The following CFDP1 variants were observed in gnomAD, a reference collection of about 807,000 sequenced individuals.
The protein encoded by CFDP1 is chromatin remodeling protein CFDP1, also known as heterochromatin-stabilizing protein CFDP1.
CFDP1 carries 31 observed loss-of-function variants against 40.1 expected under a neutral mutation model. The ratio of observed to expected loss-of-function variants is 0.77; its 90% CI spans 0.58 to 1.04. The LOEUF is 1.04. Among genes scored for constraint, CFDP1 ranks in the 50% least tolerant of loss-of-function variants. The probability of loss-of-function intolerance (pLI) is 0.00; values close to 1 mark genes in which losing one functional copy is unlikely to be tolerated. For synonymous variants in CFDP1, 167 were observed against 120.0 expected (o/e 1.39, Z -2.56); for missense variants, 423 against 343.4 (o/e 1.23, Z -1.83).
At chr16:75,389,806 C>T (rs969048901) in intron 5 of CFDP1, among the ~76,000 whole-genome samples, 7 of 152,148 alleles carry the variant, frequency 4.6e-5, no homozygotes, top group Non-Finnish European at 8.8e-5. Flanking sequence ...AATATTTGCA[C>T]GGATAAAATG....
At chr16:75,418,369 G>A (rs577189022) in intron 1 of CFDP1, among the ~76,000 whole-genome samples, 1 of 135,390 alleles carries the variant, frequency 7.4e-6, no homozygotes, top group Non-Finnish European at 1.5e-5. Context: ...GCAGTGGCAC[G>A]ATCTCGGCTC....
At chr16:75,378,647 G>A (rs2078823765) in intron 5 of CFDP1, among the ~76,000 whole-genome samples, 1 of 152,140 alleles carries the variant, frequency 6.6e-6, no homozygotes, top group South Asian at 2.1e-4. Flanking sequence ...CTGACGATGA[G>A]GGAGTATGGG....
chr16:75,417,939 G>C (rs2079227015), intron 1 of CFDP1, among the ~76,000 whole-genome samples: 1 of 152,002 alleles, frequency 6.6e-6, no homozygotes, highest in Non-Finnish European at 1.5e-5. Flanking sequence ...TTCAGAATAA[G>C]AGAAATGACA....
At chr16:75,409,186 AG>A (rs1304051235) in intron 4 of CFDP1, 9 of 152,196 alleles carry the variant, frequency 5.9e-5, no homozygotes, top group Non-Finnish European at 1.2e-4. Flanking sequence ...ACAGAATAAA[AG>A]GTAACAGTGA....
At chr16:75,335,526 T>C (rs2078480484) in intron 5 of CFDP1, among the ~76,000 whole-genome samples, 1 of 147,450 alleles carries the variant, frequency 6.8e-6, no homozygotes, top group Admixed American at 6.6e-5. Flanking sequence ...TTTCCTACTT[T>C]ATCTATAAGC....
intron 5 of CFDP1, among the ~76,000 whole-genome samples, chr16:75,338,097 C>T (rs2078502023): frequency 6.6e-6 from 1 of 152,162 alleles, no homozygotes; most frequent in Non-Finnish European, 1.5e-5. Context: ...TGTTCATTTC[C>T]TCTTACCCTT....
chr16:75,384,749 T>C (rs1456932409), intron 5 of CFDP1, among the ~76,000 whole-genome samples: 1 of 151,398 alleles, frequency 6.6e-6, no homozygotes, highest in Non-Finnish European at 1.5e-5. Flanking sequence ...CAAAATGGAA[T>C]ACCAGGCAGG....
chr16:75,301,536 C>CTTTTTTTTTTTT lies in CFDP1; in HGVS notation c.809+3476_809+3487dup, dbSNP rs546724752. Among the ~76,000 whole-genome samples the CTTTTTTTTTTTT allele has an allele frequency of 6.3e-4, 34 of 53,964 alleles. 4 individuals carry two copies. Among genetic ancestry groups the CTTTTTTTTTTTT allele is most frequent in the African/African-American group, 1.6e-3 (23 of 14,504 alleles). 35.4% of individuals were successfully genotyped at this position (53,964 alleles called of 152,430 possible). On this transcript the variant is annotated intron_variant, in intron 6 of 6. Coordinates refer to ENST00000283882, the MANE Select transcript of CFDP1 (RefSeq NM_006324.3). ...TCTCAACATTAGAGTTTTGTTGTGT[C>CTTTTTTTTTTTT]TTTTTTTTTTTTTTTTTTTTTTTTT...
At chr16:75,397,569 G>C (rs1031869718) in intron 4 of CFDP1, among the ~76,000 whole-genome samples, 12 of 150,580 alleles carry the variant, frequency 8.0e-5, no homozygotes, top group African/African-American at 2.9e-4. Context: ...TTGGGAGACT[G>C]AGGCGGGCAG....
rs189013307 is a variant in CFDP1, at chr16:75,316,905, C to T, written c.651-11723G>A. On this transcript the variant is annotated intron_variant, in intron 5 of 6. Transcript: ENST00000283882. ...CCTCAGCAGGAGAATCGCTTGAACCCGGGAGGCAGAGGTTGTGGTGAGGCG... is the reference window on the plus strand; with the variant it reads ...CCTCAGCAGGAGAATCGCTTGAACCTGGGAGGCAGAGGTTGTGGTGAGGCG... Among the ~76,000 whole-genome samples the T allele has an allele frequency of 6.7e-3, 1,012 of 151,928 alleles. 9 individuals carry two copies. The highest frequency in any genetic ancestry group is 0.023 in the African/African-American group (936 of 41,416).
intron 5 of CFDP1, among the ~76,000 whole-genome samples, chr16:75,369,523 C>T (rs9923114): frequency 0.014 from 2,154 of 152,284 alleles, 38 homozygotes; most frequent in African/African-American, 0.049. Context: ...AGTAGGTTGC[C>T]TATTTATTCT....
At chr16:75,324,484 G>A (rs1216912634) in intron 5 of CFDP1, among the ~76,000 whole-genome samples, 1 of 152,286 alleles carries the variant, frequency 6.6e-6, no homozygotes, top group East Asian at 1.9e-4. Context: ...GCTCATGCCT[G>A]TAATCCCGGA....
chr16:75,350,994 C>A (rs2078606653), intron 5 of CFDP1, among the ~76,000 whole-genome samples: 1 of 150,462 alleles, frequency 6.6e-6, no homozygotes, highest in Non-Finnish European at 1.5e-5. Context: ...AATCTAATGA[C>A]AAAAAAAAAC....
chr16:75,423,888 C>G (rs927809817), intron 1 of CFDP1, among the ~76,000 whole-genome samples: 8 of 152,110 alleles, frequency 5.3e-5, no homozygotes, highest in African/African-American at 1.9e-4. Context: ...TTTCTATCTG[C>G]AGTTGGTTGA....
chr16:75,362,107 T>C (rs2078683661), intron 5 of CFDP1, among the ~76,000 whole-genome samples: 1 of 152,256 alleles, frequency 6.6e-6, no homozygotes, highest in Non-Finnish European at 1.5e-5. Context: ...GACTGCATGA[T>C]CTACACAAAT....
At chr16:75,319,930 A>G (rs1336753507) in intron 5 of CFDP1, among the ~76,000 whole-genome samples, 18 of 152,272 alleles carry the variant, frequency 1.2e-4, no homozygotes, top group Non-Finnish European at 1.2e-4. Flanking sequence ...CTGAAAGCAG[A>G]AAACTTTCTT....
chr16:75,379,869 G>A (rs1232530088), intron 5 of CFDP1: 1 of 152,094 alleles, frequency 6.6e-6, no homozygotes, highest in African/African-American at 2.4e-5. Flanking sequence ...TGGGCGTAGT[G>A]GCTCATGCCT....
At position 75,354,163 on chromosome 16, in the gene CFDP1, G is replaced by C. The variant is rs1338040665; in HGVS notation, c.650+40927C>G. On this transcript the variant is annotated intron_variant, in intron 5 of 6. Coordinates refer to ENST00000283882, the MANE Select transcript of CFDP1 (RefSeq NM_006324.3). ...TTTGTCCAAGTACAGGCTAAGGTAA[G>C]TGTTGTGAGCACATTTAAGGTAGGC... Among the ~76,000 whole-genome samples, 8 of 152,230 alleles carry C rather than the reference G, an allele frequency of 5.3e-5. No individual in the cohort carries two copies. In the East Asian group the frequency reaches 1.5e-3, roughly 29 times the overall value.
Position 75,305,062 on chromosome 16 carries a change from A to G in CFDP1, c.771T>C (p.Ile257=), listed in dbSNP as rs371082910. The change falls in exon 6 of 7, where the codon ATT becomes ATC. Residue 257 remains isoleucine, a synonymous_variant. Coordinates refer to ENST00000283882, the MANE Select transcript of CFDP1 (RefSeq NM_006324.3). The part of the protein sequence containing the change: ...DWESFKEEEG[I]GEELAIHNRG... ...GATTATGGATGGCCAGTTCTTCACC[A>G]ATCCCCTCTTCCTCCTTGAAGCTCT... 6.2e-7 allele frequency: 1 copy of G among 1,614,108 alleles called. No homozygotes were observed. The highest frequency in any genetic ancestry group is 8.5e-7 in the Non-Finnish European group (1 of 1,180,022).
Sources: allele counts gnomAD v4.1 joint callset (sites outside exome capture counted in the v4.1 genomes callset), GRCh38; gene constraint gnomAD v4.1.1; transcripts MANE v1.5; gene names NCBI Gene and HGNC (gene_info 2026-07-23, HGNC 2026-07-21).